Variants in TANC2 observed in about 807,000 individuals in gnomAD.
The protein encoded by TANC2 is protein TANC2.
In TANC2, 26 loss-of-function variants were observed where a neutral mutation model predicts 210.5. The ratio of observed to expected loss-of-function variants is 0.12; its 90% CI spans 0.09 to 0.17. The LOEUF (loss-of-function observed/expected upper bound fraction) is 0.17, where lower values mean the gene tolerates loss of function less well. Among genes scored for constraint, TANC2 ranks in the 10% least tolerant of loss-of-function variants. TANC2 has a pLI of 1.00. For synonymous variants in TANC2, 931 were observed against 967.1 expected (o/e 0.96, Z 0.69); for missense variants, 2,129 against 2,608.9 (o/e 0.82, Z 4.01).
intron 5 of TANC2, among the ~76,000 whole-genome samples, chr17:63,175,534 A>T (rs8080819): frequency 3.3e-5 from 1 of 30,628 alleles, no homozygotes; most frequent in African/African-American, 2.3e-4. Flanking sequence ...CTCCCCCGCC[A>T]AAAAAAAAAA....
At chr17:63,196,332 T>C (rs2041345273) in intron 6 of TANC2, among the ~76,000 whole-genome samples, 2 of 152,230 alleles carry the variant, frequency 1.3e-5, no homozygotes, top group African/African-American at 4.8e-5. Context: ...AAACATCTAT[T>C]TCACCTTTCA....
chr17:63,253,668 A>C (rs1025262839), intron 8 of TANC2, among the ~76,000 whole-genome samples: 2 of 152,130 alleles, frequency 1.3e-5, no homozygotes. Flanking sequence ...GCTGGAATGC[A>C]GTGGCACAAT....
chr17:63,376,637 G>A (rs981572452), intron 14 of TANC2, among the ~76,000 whole-genome samples: 5 of 152,142 alleles, frequency 3.3e-5, no homozygotes, highest in Admixed American at 1.3e-4. Context: ...TTTCTAAATT[G>A]TAGTGGATAC....
intron 5 of TANC2, among the ~76,000 whole-genome samples, chr17:63,181,644 A>ACCACCTT (rs1567792579): frequency 6.6e-6 from 1 of 152,172 alleles, no homozygotes; most frequent in Non-Finnish European, 1.5e-5. Context: ...GACACCTCCT[A>ACCACCTT]CCACCTTAAA....
intron 7 of TANC2, among the ~76,000 whole-genome samples, chr17:63,211,800 A>C (rs969827262): frequency 1.2e-4 from 18 of 152,210 alleles, no homozygotes; most frequent in African/African-American, 4.1e-4. Flanking sequence ...TAGATGCTCA[A>C]TAAATGTATA....
chr17:63,046,252 TG>T (rs2035374179), intron 2 of TANC2, among the ~76,000 whole-genome samples: 2 of 148,070 alleles, frequency 1.4e-5, no homozygotes, highest in Non-Finnish European at 3.0e-5. Flanking sequence ...CTCCGCCTCC[TG>T]GGTTTAAGCG....
intron 3 of TANC2, among the ~76,000 whole-genome samples, chr17:63,076,993 A>C (rs1361048128): frequency 6.6e-6 from 1 of 152,228 alleles, no homozygotes; most frequent in African/African-American, 2.4e-5. Context: ...AAGATGATTC[A>C]AGATAATTTT....
At chr17:63,326,611 T>C (rs2045655665) in intron 11 of TANC2, among the ~76,000 whole-genome samples, 1 of 151,912 alleles carries the variant, frequency 6.6e-6, no homozygotes, top group Non-Finnish European at 1.5e-5. Flanking sequence ...GTGCTTATAG[T>C]CCCAGCTACT....
At chr17:63,402,790 G>C (rs1408857884) in intron 19 of TANC2, among the ~76,000 whole-genome samples, 1 of 152,254 alleles carries the variant, frequency 6.6e-6, no homozygotes, top group African/African-American at 2.4e-5. Flanking sequence ...TCTGTTTGCA[G>C]TTTGGTGTTT....
intron 12 of TANC2, among the ~76,000 whole-genome samples, chr17:63,341,225 C>T (rs1248634806): frequency 6.6e-6 from 1 of 152,210 alleles, no homozygotes; most frequent in African/African-American, 2.4e-5. Flanking sequence ...ATGCTGGTTA[C>T]TTGGATATCA....
chr17:63,032,560 A>C (rs2034814853), intron 2 of TANC2, among the ~76,000 whole-genome samples: 1 of 152,130 alleles, frequency 6.6e-6, no homozygotes, highest in South Asian at 2.1e-4. Context: ...GGTGGTATGG[A>C]GAAAAGAATC....
rs7502776 is a variant in TANC2, at chr17:63,121,251, C to G, written c.322+21894C>G. 6.1e-3 allele frequency among the ~76,000 whole-genome samples: 934 copies of G among 152,178 alleles called. 19 individuals are homozygous for G. Among genetic ancestry groups the G allele is most frequent in the Admixed American group, 0.056 (856 of 15,282 alleles). ...AACATTATGTAAGAAAACATTTTTA[C>G]CACTGTAAACTTTGCAGCTTAGGAC... On this transcript the variant is annotated intron_variant, in intron 4 of 27. Coordinates refer to ENST00000689528, the Ensembl canonical transcript of TANC2.
chr17:63,411,590 A>G, exon 22 of TANC2: 1 of 1,613,966 alleles, frequency 6.2e-7, no homozygotes, highest in Non-Finnish European at 8.5e-7. Context: ...TCTCAGTAGT[A>G]CGTTCTCTGG....
intron 3 of TANC2, among the ~76,000 whole-genome samples, chr17:63,084,836 G>A (rs192119830): frequency 4.6e-5 from 7 of 152,202 alleles, no homozygotes; most frequent in African/African-American, 1.4e-4. Flanking sequence ...TGGTCTTAGA[G>A]CAACCATTGT....
At chr17:63,401,710 A>G (rs77264004) in intron 19 of TANC2, among the ~76,000 whole-genome samples, 1 of 152,152 alleles carries the variant, frequency 6.6e-6, no homozygotes, top group East Asian at 1.9e-4. Flanking sequence ...GGAACACCAC[A>G]GAAGAAAAGC....
intron 12 of TANC2, among the ~76,000 whole-genome samples, chr17:63,344,952 C>T (rs1422403295): frequency 2.6e-5 from 4 of 152,126 alleles, no homozygotes; most frequent in African/African-American, 9.7e-5. Flanking sequence ...CCTGACTACC[C>T]TGAGTTCACC....
chr17:63,412,260 G>A lies in TANC2; in HGVS notation c.3898+130G>A. On this transcript the variant is annotated intron_variant, in intron 23 of 27. Coordinates refer to ENST00000689528, the Ensembl canonical transcript of TANC2. The surrounding 1 kb of genome is among the most constrained non-coding windows in gnomAD (Gnocchi z 4.2). ...CCTCCCTGGCCCAATTATTGTCCAA[G>A]TGAACAGAGAGGCTCTTGGCCCAGG... The A allele has an allele frequency of 1.5e-6, 2 of 1,336,180 alleles. No homozygotes were observed. The allele number at this position is 1,336,180 out of a possible 1,614,324, so 82.8% of individuals were successfully genotyped here. A position where few individuals can be genotyped will look rare whatever the true frequency, so the allele number is the denominator to read the frequency against.
chr17:62,984,658 T>A, intron 1 of TANC2, among the ~76,000 whole-genome samples: 1 of 152,150 alleles, frequency 6.6e-6, no homozygotes, highest in East Asian at 1.9e-4. Context: ...TATGTTGTGT[T>A]TCTATTTTCA....
chr17:63,354,537 A>T (rs1441216977), intron 13 of TANC2, among the ~76,000 whole-genome samples: 6 of 152,182 alleles, frequency 3.9e-5, no homozygotes. Flanking sequence ...GACGATCATG[A>T]AATCACTCCA....
Sources: allele counts gnomAD v4.1 joint callset (sites outside exome capture counted in the v4.1 genomes callset), GRCh38; gene constraint gnomAD v4.1.1; non-coding constraint Gnocchi (gnomAD v3.1); transcripts MANE v1.5; gene names NCBI Gene and HGNC (gene_info 2026-07-23, HGNC 2026-07-21).